Variants in RBFOX1 observed in about 807,000 individuals in gnomAD.
The protein encoded by RBFOX1 is RNA binding fox-1 homolog 1.
Under a neutral mutation model 57.7 loss-of-function variants are expected in RBFOX1, and 8 were observed. The ratio of observed to expected loss-of-function variants is 0.14; its 90% confidence interval spans 0.08 to 0.25. The LOEUF is 0.25. RBFOX1 is among the 10% of genes least tolerant of loss of function. The pLI is 1.00. For synonymous variants in RBFOX1, 326 were observed against 222.4 expected (o/e 1.47, Z -4.15); for missense variants, 611 against 548.5 (o/e 1.11, Z -1.14).
intron 1 of RBFOX1, among the ~76,000 whole-genome samples, chr16:6,310,875 G>A (rs1036247950): frequency 2.6e-4 from 36 of 138,976 alleles, no homozygotes; most frequent in African/African-American, 7.8e-4. Context: ...AAGCTATGAA[G>A]AACAGGTGCA....
chr16:6,397,077 A>G (rs1189939532), intron 2 of RBFOX1, among the ~76,000 whole-genome samples: 1 of 152,156 alleles, frequency 6.6e-6, no homozygotes, highest in Non-Finnish European at 1.5e-5. Context: ...TATCAAATGT[A>G]TACAGCTATA....
chr16:6,628,017 T>C (rs1473221009), intron 2 of RBFOX1, among the ~76,000 whole-genome samples: 1 of 152,168 alleles, frequency 6.6e-6, no homozygotes, highest in African/African-American at 2.4e-5. Context: ...GAGCAATGTC[T>C]CCAAGTGTGC....
intron 4 of RBFOX1, among the ~76,000 whole-genome samples, chr16:7,313,931 G>C (rs1218656991): frequency 6.6e-6 from 1 of 152,162 alleles, no homozygotes; most frequent in African/African-American, 2.4e-5. Flanking sequence ...TTCCTGCGTT[G>C]GAAGAATAGC....
intron 2 of RBFOX1, among the ~76,000 whole-genome samples, chr16:6,491,699 C>G (rs1338894593): frequency 6.6e-6 from 1 of 152,106 alleles, no homozygotes; most frequent in African/African-American, 2.4e-5. Context: ...GATTGTTATA[C>G]CCAGGGTTCA....
chr16:7,329,269 C>A (rs966460344), intron 4 of RBFOX1, among the ~76,000 whole-genome samples: 3 of 152,206 alleles, frequency 2.0e-5, no homozygotes, highest in African/African-American at 4.8e-5. Context: ...CTGCCTGTTT[C>A]TTAGCCACTA....
At chr16:5,721,844 T>G (rs747101304) in intron 3 of RBFOX1, among the ~76,000 whole-genome samples, 23 of 152,312 alleles carry the variant, frequency 1.5e-4, no homozygotes, top group Non-Finnish European at 3.4e-4. Context: ...AGAATCTCAG[T>G]GCTAAACCGG....
At chr16:6,633,743 T>G (rs1471281971) in intron 2 of RBFOX1, among the ~76,000 whole-genome samples, 1 of 152,154 alleles carries the variant, frequency 6.6e-6, no homozygotes, top group Non-Finnish European at 1.5e-5. Flanking sequence ...GCGCTGTAGC[T>G]CATGCCTGTA....
intron 4 of RBFOX1, among the ~76,000 whole-genome samples, chr16:5,917,460 C>G (rs1268108827): frequency 1.3e-5 from 2 of 152,156 alleles, no homozygotes; most frequent in Non-Finnish European, 2.9e-5. Flanking sequence ...AAGTAATTTT[C>G]TCAAGATAAT....
intron 4 of RBFOX1, among the ~76,000 whole-genome samples, chr16:7,175,897 T>A (rs2152489191): frequency 6.6e-6 from 1 of 152,232 alleles, no homozygotes; most frequent in African/African-American, 2.4e-5. Flanking sequence ...TCTGAGCATA[T>A]AAAGGCCCAA....
intron 4 of RBFOX1, among the ~76,000 whole-genome samples, chr16:7,105,222 G>C (rs2063363343): frequency 6.6e-6 from 1 of 151,490 alleles, no homozygotes; most frequent in African/African-American, 2.4e-5. Flanking sequence ...GATTGGCCAG[G>C]TCTGGGTCAC....
At chr16:7,340,002 C>A (rs949132219) in intron 4 of RBFOX1, among the ~76,000 whole-genome samples, 1 of 152,158 alleles carries the variant, frequency 6.6e-6, no homozygotes, top group Non-Finnish European at 1.5e-5. Context: ...TTTAGAAATT[C>A]TCTTCCCAAC....
At chr16:6,285,970 T>G (rs2152709237) in intron 1 of RBFOX1, among the ~76,000 whole-genome samples, 1 of 152,288 alleles carries the variant, frequency 6.6e-6, no homozygotes, top group Admixed American at 6.5e-5. Flanking sequence ...CGGCGGAGCG[T>G]TATTTAGTTC....
At chr16:5,303,610 A>C (rs539986538) in intron 1 of RBFOX1, among the ~76,000 whole-genome samples, 1 of 152,216 alleles carries the variant, frequency 6.6e-6, no homozygotes, top group South Asian at 2.1e-4. Context: ...GATTCCAAAC[A>C]GCGCTTGGGT....
chr16:6,883,760 G>A (rs748067302), intron 3 of RBFOX1, among the ~76,000 whole-genome samples: 4 of 151,768 alleles, frequency 2.6e-5, no homozygotes, highest in Non-Finnish European at 4.4e-5. Flanking sequence ...TCTTATAGAT[G>A]TTGTGAGCTG....
intron 3 of RBFOX1, among the ~76,000 whole-genome samples, chr16:7,033,378 G>A (rs1230805369): frequency 6.6e-6 from 1 of 152,158 alleles, no homozygotes; most frequent in African/African-American, 2.4e-5. Flanking sequence ...AAATTAGCCA[G>A]ATGTGATGGC....
rs183419603 is a variant in RBFOX1 at position 5,757,976 on chromosome 16, C to T, written c.319-109327C>T. Reference sequence around the variant, plus strand: ...ACTCACTGTGAAGTTCTGTACTGGTCAGCCATCACCTCTGCCTGTGGCACT... The same window carrying T: ...ACTCACTGTGAAGTTCTGTACTGGTTAGCCATCACCTCTGCCTGTGGCACT... On this transcript the variant is annotated intron_variant, in intron 3 of 19. Coordinates refer to the RBFOX1 transcript ENST00000641259. Among the ~76,000 whole-genome samples, 343 of 152,332 alleles carry T rather than the reference C, an allele frequency of 2.3e-3. 2 individuals carry two copies. Among genetic ancestry groups the T allele is most frequent in the Admixed American group, 3.9e-3 (60 of 15,308 alleles).
At chr16:7,672,583 C>A (rs546746486) in intron 13 of RBFOX1, among the ~76,000 whole-genome samples, 1 of 152,162 alleles carries the variant, frequency 6.6e-6, no homozygotes, top group East Asian at 1.9e-4. Context: ...ATGGATGTGG[C>A]CAGGTGTGGT....
chr16:7,302,638 A>C (rs1006140258), intron 4 of RBFOX1, among the ~76,000 whole-genome samples: 36 of 151,286 alleles, frequency 2.4e-4, no homozygotes, highest in Admixed American at 5.3e-4. Context: ...GAAAACAAAA[A>C]AAAAAAAAAA....
intron 1 of RBFOX1, among the ~76,000 whole-genome samples, chr16:5,396,300 A>G (rs1212584099): frequency 6.6e-6 from 1 of 152,152 alleles, no homozygotes; most frequent in African/African-American, 2.4e-5. Context: ...CCTAGACCTT[A>G]TCCTGTAGTA....
Sources: gnomAD v4.1 joint callset for allele counts (sites outside exome capture counted in the v4.1 genomes callset) on GRCh38, gnomAD v4.1.1 for gene constraint, MANE v1.5 for transcripts, NCBI Gene and HGNC (gene_info 2026-07-23, HGNC 2026-07-21) for gene names.